Variants in PARD3 observed in about 807,000 individuals in gnomAD.
The protein encoded by PARD3 is partitioning defective 3 homolog.
PARD3 carries 75 observed loss-of-function variants against 155.4 expected under a neutral mutation model. The ratio of observed to expected loss-of-function variants is 0.48; its 90% CI spans 0.40 to 0.58. The LOEUF is 0.58. Ranked by LOEUF, PARD3 falls within the 20% of genes least tolerant of loss-of-function variation. The pLI, the probability that PARD3 is intolerant of heterozygous loss-of-function variation, is 0.00. For missense variants in PARD3, 1,642 were observed against 1,721.7 expected, an observed-to-expected ratio of 0.95 and a Z score of 0.82; for synonymous variants, 576 against 610.5, an observed-to-expected ratio of 0.94 and a Z score of 0.83.
At chr10:34,334,751 A>C (rs1202294161) in intron 18 of PARD3, among the ~76,000 whole-genome samples, 2 of 151,596 alleles carry the variant, frequency 1.3e-5, no homozygotes, top group Non-Finnish European at 3.0e-5. Context: ...AAAAAAAAAA[A>C]AGTTCTTTTT....
At chr10:34,171,714 C>G (rs183742361) in intron 22 of PARD3, among the ~76,000 whole-genome samples, 6 of 151,608 alleles carry the variant, frequency 4.0e-5, no homozygotes, top group Admixed American at 2.6e-4. Context: ...TTTGGGAGGC[C>G]GAGGCAGGGT....
intron 2 of PARD3, among the ~76,000 whole-genome samples, chr10:34,629,782 C>G (rs1381629403): frequency 2.6e-5 from 4 of 152,248 alleles, no homozygotes; most frequent in Middle Eastern, 3.4e-3. Context: ...AGACCCGCAG[C>G]TTTTATTAGG....
chr10:34,770,817 G>T (rs74822406), intron 1 of PARD3, among the ~76,000 whole-genome samples: 13 of 152,268 alleles, frequency 8.5e-5, no homozygotes, highest in Non-Finnish European at 1.8e-4. Flanking sequence ...TCCAGACAGG[G>T]ATGTGCCCTG....
At chr10:34,809,212 T>G (rs1350069342) in intron 1 of PARD3, among the ~76,000 whole-genome samples, 2 of 152,126 alleles carry the variant, frequency 1.3e-5, no homozygotes, top group Non-Finnish European at 2.9e-5. Flanking sequence ...TCAGCAGAAG[T>G]GTATTTTTTG....
chr10:34,385,374 A>G (rs900289318), intron 7 of PARD3, among the ~76,000 whole-genome samples: 3 of 152,004 alleles, frequency 2.0e-5, no homozygotes, highest in Non-Finnish European at 4.4e-5. Flanking sequence ...GACCTCAGGT[A>G]ATCCACCCGC....
intron 23 of PARD3, among the ~76,000 whole-genome samples, chr10:34,119,994 GTCT>G: frequency 7.8e-6 from 1 of 128,616 alleles, no homozygotes; most frequent in East Asian, 2.2e-4. Context: ...AAACTTTCTA[GTCT>G]TCTTTAATTT....
chr10:34,749,146 T>C (rs775068283), intron 1 of PARD3, among the ~76,000 whole-genome samples: 5 of 152,246 alleles, frequency 3.3e-5, no homozygotes, highest in African/African-American at 9.6e-5. Context: ...TTTCCCTTTA[T>C]CTGTTTCCAA....
chr10:34,206,237 T>A (rs1226306682), intron 22 of PARD3, among the ~76,000 whole-genome samples: 3 of 152,224 alleles, frequency 2.0e-5, no homozygotes, highest in African/African-American at 7.2e-5. Flanking sequence ...ACAGGCTGCT[T>A]GCTGGTCCAG....
chr10:34,633,298 T>A (rs2092343919), intron 2 of PARD3, among the ~76,000 whole-genome samples: 1 of 152,200 alleles, frequency 6.6e-6, no homozygotes, highest in Non-Finnish European at 1.5e-5. Flanking sequence ...CTATGCCTCC[T>A]ATGTAACCCA....
chr10:34,128,077 CTCCCA>C (rs1432670175), intron 23 of PARD3, among the ~76,000 whole-genome samples: 1 of 152,138 alleles, frequency 6.6e-6, no homozygotes, highest in Non-Finnish European at 1.5e-5. Context: ...GTTTTATAAC[CTCCCA>C]AAGTTAGGCA....
At chr10:34,345,681 C>T (rs549235086) in intron 15 of PARD3, 46 of 985,334 alleles carry the variant, frequency 4.7e-5, no homozygotes, top group East Asian at 4.5e-4. Context: ...AACATAAATC[C>T]GAATTTTGGT....
chr10:34,334,478 C>T lies in PARD3; in HGVS notation c.2605+1721G>A, dbSNP rs76233770. On this transcript the variant is annotated intron_variant, in intron 18 of 24. Coordinates refer to ENST00000374788, the MANE Select transcript of PARD3 (RefSeq NM_001184785.2). ...TCAATGCTAAAATGCCACTATGATTCTCCCAAAAACCTTTGGACTAATCTA... is the reference window on the plus strand; with the variant it reads ...TCAATGCTAAAATGCCACTATGATTTTCCCAAAAACCTTTGGACTAATCTA... Among the ~76,000 whole-genome samples, 245 of 151,714 alleles carry T rather than the reference C, an allele frequency of 1.6e-3. 2 individuals are homozygous for T. Among genetic ancestry groups the T allele is most frequent in the African/African-American group, 5.7e-3 (235 of 41,468 alleles).
At chr10:34,582,032 T>C (rs998978426) in intron 2 of PARD3, among the ~76,000 whole-genome samples, 15 of 152,286 alleles carry the variant, frequency 9.8e-5, no homozygotes, top group Middle Eastern at 3.4e-3. Flanking sequence ...ATTTAAAAAT[T>C]TACGCCAAGA....
intron 22 of PARD3, among the ~76,000 whole-genome samples, chr10:34,222,329 G>A (rs1952345260): frequency 6.6e-6 from 1 of 152,176 alleles, no homozygotes; most frequent in Admixed American, 6.5e-5. Context: ...CTTTGTCCCT[G>A]GAGTGGCTTA....
intron 2 of PARD3, among the ~76,000 whole-genome samples, chr10:34,626,474 C>G (rs376902464): frequency 3.9e-5 from 6 of 152,124 alleles, no homozygotes; most frequent in South Asian, 4.1e-4. Flanking sequence ...TTTGGGGAGG[C>G]CAAGGGATGG....
chr10:34,280,652 T>C (rs1956112832), intron 21 of PARD3, among the ~76,000 whole-genome samples: 1 of 152,102 alleles, frequency 6.6e-6, no homozygotes. Flanking sequence ...TCAACTCCGG[T>C]TTCCACAGCC....
chr10:34,645,191 A>T (rs966251070), intron 2 of PARD3, among the ~76,000 whole-genome samples: 3 of 137,878 alleles, frequency 2.2e-5, no homozygotes, highest in East Asian at 3.9e-4. Flanking sequence ...TTTTATTTTT[A>T]TTTTATTTTG....
chr10:34,247,534 G>A (rs749286335), intron 22 of PARD3, among the ~76,000 whole-genome samples: 1 of 151,916 alleles, frequency 6.6e-6, no homozygotes, highest in African/African-American at 2.4e-5. Flanking sequence ...CACAAAAACA[G>A]ACCCAGAAAG....
chr10:34,568,456 T>C (rs985957340), intron 2 of PARD3, among the ~76,000 whole-genome samples: 1 of 152,158 alleles, frequency 6.6e-6, no homozygotes, highest in Non-Finnish European at 1.5e-5. Flanking sequence ...ACTGGTCTCT[T>C]TGACAATTTT....
Sources: gnomAD v4.1 joint callset for allele counts (sites outside exome capture counted in the v4.1 genomes callset) on GRCh38, gnomAD v4.1.1 for gene constraint, MANE v1.5 for transcripts, NCBI Gene and HGNC (gene_info 2026-07-23, HGNC 2026-07-21) for gene names.